NUP37: variants seen among roughly 807,000 people sequenced by gnomAD.
NUP37 encodes nucleoporin 37.
A neutral mutation model predicts 45.4 loss-of-function variants in NUP37; 33 were observed. The ratio of observed to expected loss-of-function variants is 0.73; its 90% confidence interval spans 0.55 to 0.97. The LOEUF is 0.97. Ranked by LOEUF, NUP37 falls within the 50% of genes least tolerant of loss-of-function variation. NUP37 has a pLI of 0.00. For synonymous variants in NUP37, 127 were observed against 130.7 expected (o/e 0.97, Z 0.19); for missense variants, 365 against 389.7 (o/e 0.94, Z 0.53).
At chr12:102,091,382 A>T in intron 5 of NUP37, among the ~76,000 whole-genome samples, 1 of 130,158 alleles carries the variant, frequency 7.7e-6, no homozygotes, top group South Asian at 2.9e-4. Flanking sequence ...CGGGAAACAG[A>T]GTGAGAGACT....
At chr12:102,076,937 C>CATTCTGTCCTATAA in intron 7 of NUP37, 90 bp from the exon 8 acceptor site, 1 of 866,628 alleles carries the variant, frequency 1.2e-6, no homozygotes, top group Non-Finnish European at 1.9e-6. Context: ...CTTTATAGGA[C>CATTCTGTCCTATAA]AGAATGTCCA....
chr12:102,095,184 T>C (rs961446410), intron 5 of NUP37, among the ~76,000 whole-genome samples: 3 of 152,098 alleles, frequency 2.0e-5, no homozygotes, highest in African/African-American at 4.8e-5. Context: ...TTAGTGAGTT[T>C]TAAAAAATAA....
chr12:102,074,969 A>AT (rs767531651), intron 9 of NUP37, 32 bp downstream of exon 9: 3 of 1,304,304 alleles, frequency 2.3e-6, no homozygotes, highest in African/African-American at 1.5e-5. Context: ...AAAAAAAAAA[A>AT]GCACGTATGT....
Position 102,112,223 on chromosome 12 carries a change from C to T in NUP37, c.166G>A (p.Ala56Thr), listed in dbSNP as rs1880338351. The T allele has an allele frequency of 5.0e-6, 8 of 1,611,712 alleles. No individual in the cohort carries two copies. In the Admixed American group the frequency reaches 1.0e-4, roughly 20 times the overall value. Reference protein sequence around the residue: ...IGTCTFQEEEADVEGIQYKTL... With the variant: ...IGTCTFQEEETDVEGIQYKTL... ...TTATACTGAATGCCTTCAACGTCTG[C>T]TTCTTCTTCCTAAGCATACACAGTA... Residue 56 changes from alanine to threonine, a missense_variant, in exon 3 of 10, where the codon GCA becomes ACA. Transcript: ENST00000552283.
Position 102,116,351 on chromosome 12 carries a change from T to C in NUP37, c.156+2012A>G, listed in dbSNP as rs143413294. 1.4e-3 allele frequency among the ~76,000 whole-genome samples: 212 copies of C among 152,326 alleles called. 1 individual carries two copies. Among genetic ancestry groups the C allele is most frequent in the African/African-American group, 4.8e-3 (199 of 41,580 alleles). ...TAATGAAGTAAAAATTAGTTTTACC[T>C]GTAGGAGGCTGCTTTACTCTTTTGT... On this transcript the variant is annotated intron_variant, in intron 2 of 9. Transcript: ENST00000552283.
chr12:102,077,281 C>T (rs1565827585), intron 7 of NUP37, 41 bp downstream of exon 7: 5 of 1,600,184 alleles, frequency 3.1e-6, no homozygotes, highest in Non-Finnish European at 4.3e-6. Context: ...CAGTTACTGC[C>T]TTTTTTTGGT....
intron 3 of NUP37, among the ~76,000 whole-genome samples, chr12:102,103,451 T>C (rs747498408): frequency 6.6e-6 from 1 of 152,340 alleles, no homozygotes; most frequent in African/African-American, 2.4e-5. Context: ...CATGCAACCT[T>C]ACTGAATTCA....
At chr12:102,074,535 C>A in intron 9 of NUP37, 68 bp from the exon 10 acceptor site, 1 of 931,348 alleles carries the variant, frequency 1.1e-6, no homozygotes, top group Non-Finnish European at 1.6e-6. Flanking sequence ...AAATGACTTT[C>A]AAAAATATGA....
chr12:102,103,303 G>T (rs1880027922), intron 3 of NUP37, among the ~76,000 whole-genome samples: 1 of 152,086 alleles, frequency 6.6e-6, no homozygotes, highest in South Asian at 2.1e-4. Context: ...TCTGTGTACA[G>T]ATCTTTTACC....
chr12:102,075,123 T>A, intron 8 of NUP37, 29 bp from the exon 9 acceptor site: 1 of 1,367,568 alleles, frequency 7.3e-7, no homozygotes, highest in Non-Finnish European at 1.0e-6. Flanking sequence ...TAAAATTAAG[T>A]ATCGTATCCT....
intron 8 of NUP37, 74 bp downstream of exon 8, chr12:102,076,723 T>A: frequency 8.0e-7 from 1 of 1,255,642 alleles, no homozygotes; most frequent in South Asian, 1.3e-5. Context: ...AGAAGAGAAC[T>A]ACAAAAGTAT....
chr12:102,093,602 T>C (rs1020278635), intron 5 of NUP37, among the ~76,000 whole-genome samples: 1 of 152,086 alleles, frequency 6.6e-6, no homozygotes, highest in South Asian at 2.1e-4. Context: ...ACATAAGCCT[T>C]AACAAAAGCA....
At chr12:102,076,184 C>A (rs1879161079) in intron 8 of NUP37, among the ~76,000 whole-genome samples, 1 of 152,184 alleles carries the variant, frequency 6.6e-6, no homozygotes, top group Non-Finnish European at 1.5e-5. Context: ...CGATCCATGG[C>A]ATTCTTACAT....
At chr12:102,108,136 A>G (rs1182763166) in intron 3 of NUP37, among the ~76,000 whole-genome samples, 1 of 152,158 alleles carries the variant, frequency 6.6e-6, no homozygotes, top group Non-Finnish European at 1.5e-5. Flanking sequence ...GTGTCAAGAG[A>G]TTAACATCTG....
At chr12:102,098,964 A>C (rs538583120) in intron 5 of NUP37, 142 bp downstream of exon 5, 2 of 679,072 alleles carry the variant, frequency 2.9e-6, no homozygotes, top group East Asian at 5.4e-5. Context: ...TTTGTGCCAT[A>C]CCTACAGTTC....
intron 2 of NUP37, among the ~76,000 whole-genome samples, chr12:102,118,042 C>T (rs754702894): frequency 6.6e-6 from 1 of 152,026 alleles, no homozygotes; most frequent in Non-Finnish European, 1.5e-5. Flanking sequence ...GTAGAAAAAC[C>T]GTAATTAATT....
chr12:102,078,982 C>G (rs10507140), intron 6 of NUP37: 7,512 of 207,800 alleles, frequency 0.036, 542 homozygotes, highest in East Asian at 0.3. Flanking sequence ...GAGATTGCTA[C>G]GAGTATCTAA....
intron 6 of NUP37, among the ~76,000 whole-genome samples, chr12:102,083,175 C>T (rs1489038254): frequency 6.6e-6 from 1 of 152,190 alleles, no homozygotes; most frequent in Non-Finnish European, 1.5e-5. Context: ...TAAATGTTCT[C>T]ATTTGTCATG....
At position 102,077,076 on chromosome 12, in the gene NUP37, A is replaced by C. The variant is rs941686467; in HGVS notation, c.723-229T>G. 6 of 610,750 alleles carry C rather than the reference A, an allele frequency of 9.8e-6. No individual in the cohort carries two copies. In the African/African-American group the frequency reaches 1.1e-4, roughly 11 times the overall value. The allele number at this position is 610,750 out of a possible 1,614,324, so 37.8% of individuals were successfully genotyped here. A position where few individuals can be genotyped will look rare whatever the true frequency, so the allele number is the denominator to read the frequency against. On this transcript the variant is annotated intron_variant, in intron 7 of 9. Coordinates refer to ENST00000552283, the MANE Select transcript of NUP37 (RefSeq NM_024057.4). ...GGGTCAGTGTTTTTCTTATTTTCCA[A>C]TATAAGTCAACATTGCACAGATCCA...
Sources: allele counts gnomAD v4.1 joint callset (sites outside exome capture counted in the v4.1 genomes callset), GRCh38; gene constraint gnomAD v4.1.1; transcripts MANE v1.5; gene names NCBI Gene and HGNC (gene_info 2026-07-23, HGNC 2026-07-21).